Variants in PDCD6IP observed in about 807,000 individuals in gnomAD.
PDCD6IP encodes the protein programmed cell death 6-interacting protein.
PDCD6IP carries 43 observed loss-of-function variants against 103.7 expected under a neutral mutation model. The observed-to-expected ratio is 0.41, with a 90% CI of 0.32 to 0.53. The LOEUF (loss-of-function observed/expected upper bound fraction) is 0.53. Among genes scored for constraint, PDCD6IP ranks in the 20% least tolerant of loss-of-function variants. The pLI is 0.16. For missense variants in PDCD6IP, 871 were observed against 1,036.7 expected (o/e 0.84, Z 2.20); for synonymous variants, 354 against 378.7 (o/e 0.93, Z 0.76).
chr3:33,820,317 C>A (rs1192854352), intron 3 of PDCD6IP, among the ~76,000 whole-genome samples: 1 of 151,870 alleles, frequency 6.6e-6, no homozygotes, highest in African/African-American at 2.4e-5. Context: ...CCCATTCTTC[C>A]CTCCCCCCTC....
At chr3:33,799,813 A>G (rs1281661309) in intron 1 of PDCD6IP, among the ~76,000 whole-genome samples, 1 of 152,170 alleles carries the variant, frequency 6.6e-6, no homozygotes, top group Non-Finnish European at 1.5e-5. Flanking sequence ...AGGCTAAACT[A>G]GCTTGAGCTA....
intron 12 of PDCD6IP, among the ~76,000 whole-genome samples, chr3:33,848,635 C>T (rs1219761153): frequency 6.6e-6 from 1 of 152,140 alleles, no homozygotes; most frequent in Non-Finnish European, 1.5e-5. Flanking sequence ...GATCGCTTGA[C>T]CTTGTGATCC....
intron 14 of PDCD6IP, 23 bp downstream of exon 14, chr3:33,854,036 A>T (rs1697777056): frequency 6.4e-7 from 1 of 1,555,238 alleles, no homozygotes; most frequent in African/African-American, 1.4e-5. Context: ...TGCAAAAGGA[A>T]CCATAGCTAG....
chr3:33,834,403 G>T (rs576455730), intron 7 of PDCD6IP, among the ~76,000 whole-genome samples: 1 of 152,214 alleles, frequency 6.6e-6, no homozygotes, highest in East Asian at 1.9e-4. Flanking sequence ...TTGGGGGAGG[G>T]TTCAACCACA....
Position 33,845,546 on chromosome 3 carries a change from C to T in PDCD6IP, c.1599C>T (p.Ala533=). Residue 533 remains alanine, a synonymous_variant, in exon 12 of 18, where the codon GCC becomes GCT. Coordinates refer to ENST00000307296, the MANE Select transcript of PDCD6IP (RefSeq NM_013374.6). ...LCKPEPELNA[A]IPSANPAKTM... is the part of the protein sequence containing the mutation. ...AGCCAGAGCCTGAGCTGAATGCTGC[C>T]ATCCCTTCTGCTAATCCAGCAAAGA... 1 of 1,612,562 alleles carries T rather than the reference C, an allele frequency of 6.2e-7. No individual in the cohort carries two copies. Among genetic ancestry groups the T allele is most frequent in the Non-Finnish European group, 8.5e-7 (1 of 1,179,020 alleles).
chr3:33,798,880 G>T lies in PDCD6IP; in HGVS notation c.152G>T (p.Arg51Leu), dbSNP rs1696396410. ...GCGGAGGAGCTCAGCAAGCTGCGCC[G>T]CGCCGCAGTCGGTCGTCCGCTGGAC... Reference protein sequence around the residue: ...RAAEELSKLRRAAVGRPLDKH... With the variant: ...RAAEELSKLRLAAVGRPLDKH... Residue 51 changes from arginine to leucine, a missense_variant, in exon 1 of 18, where the codon CGC becomes CTC. Arg to Leu is a moderately radical substitution (Grantham distance 102, BLOSUM62 -2). Around this residue, in one of 5 missense-constraint regions of PDCD6IP, gnomAD observed 114 missense variants for 106.7 expected, o/e 1.07. Transcript: ENST00000307296. The T allele has an allele frequency of 1.3e-6, 2 of 1,548,762 alleles. No homozygotes were observed. Among genetic ancestry groups the T allele is most frequent in the African/African-American group, 1.4e-5 (1 of 72,964 alleles).
At chr3:33,838,446 G>A in intron 9 of PDCD6IP, 119 bp downstream of exon 9, 4 of 893,946 alleles carry the variant, frequency 4.5e-6, no homozygotes, top group Non-Finnish European at 5.1e-6. Context: ...AGAAAATGTA[G>A]ACACACACTT....
intron 17 of PDCD6IP, among the ~76,000 whole-genome samples, chr3:33,866,051 G>T (rs1224762471): frequency 2.6e-5 from 4 of 152,018 alleles, no homozygotes; most frequent in Non-Finnish European, 5.9e-5. Context: ...GTTTTGCCAC[G>T]TTAAAATGAA....
intron 3 of PDCD6IP, among the ~76,000 whole-genome samples, chr3:33,814,883 T>C (rs1012938634): frequency 6.9e-6 from 1 of 145,946 alleles, no homozygotes; most frequent in African/African-American, 2.5e-5. Context: ...TATATACATA[T>C]ATATTCATGT....
At chr3:33,809,795 A>G (rs1696677045) in intron 1 of PDCD6IP, among the ~76,000 whole-genome samples, 1 of 152,154 alleles carries the variant, frequency 6.6e-6, no homozygotes, top group South Asian at 2.1e-4. Flanking sequence ...CTCGTCTTTC[A>G]TGACCTTGAC....
At position 33,826,878 on chromosome 3, in the gene PDCD6IP, G is replaced by A. The variant is rs1697138710; in HGVS notation, c.717+298G>A. On this transcript the variant is annotated intron_variant, in intron 6 of 17. Coordinates refer to ENST00000307296, the MANE Select transcript of PDCD6IP (RefSeq NM_013374.6). Reference sequence around the variant, plus strand: ...TACTTTTATCAAATCAAGGCATTGTGTAGTTCTGAATCATTGGTGATTTGG... The same window carrying A: ...TACTTTTATCAAATCAAGGCATTGTATAGTTCTGAATCATTGGTGATTTGG... The A allele has an allele frequency of 2.6e-6, 3 of 1,151,660 alleles. No individual in the cohort carries two copies. In the South Asian group the frequency reaches 6.6e-5, roughly 25 times the overall value. 71.3% of individuals were successfully genotyped at this position (1,151,660 alleles called of 1,614,324 possible).
At position 33,869,499 on chromosome 3, in the gene PDCD6IP, A is replaced by T. The variant is rs1698140621; in HGVS notation, c.*2974A>T. 1 of 152,210 alleles carries T rather than the reference A, an allele frequency of 6.6e-6. No individual in the cohort carries two copies. 9.4% of individuals were successfully genotyped at this position (152,210 alleles called of 1,614,324 possible). A position where few individuals can be genotyped will look rare whatever the true frequency, so the allele number is the denominator to read the frequency against. ...ATATTTTTAAAGAAAGAGAATATTC[A>T]GGCTTTATTTCTGGTATGAAGTTTA... On this transcript the variant is annotated 3_prime_UTR_variant, in exon 18 of 18. Transcript: ENST00000307296.
At chr3:33,803,357 G>C (rs1259438609) in intron 1 of PDCD6IP, among the ~76,000 whole-genome samples, 1 of 152,186 alleles carries the variant, frequency 6.6e-6, no homozygotes, top group South Asian at 2.1e-4. Context: ...ATGGGTGAGA[G>C]ATAGTACCTT....
In PDCD6IP at chr3:33,866,568, GA is replaced by G; in HGVS notation, c.*46del. 6.8e-7 allele frequency: 1 copy of G among 1,480,856 alleles called. No homozygotes were observed. Among genetic ancestry groups the G allele is most frequent in the Non-Finnish European group, 9.1e-7 (1 of 1,094,594 alleles). 91.7% of individuals were successfully genotyped at this position (1,480,856 alleles called of 1,614,324 possible). ...TCAGCTGATTCAGATCAGAGGGAAA[GA>G]AATACCAACCCTGCAATAAGTGTAC... is the stretch of plus-strand genomic sequence containing the variant. On this transcript the variant is annotated 3_prime_UTR_variant, in exon 18 of 18. Coordinates refer to ENST00000307296, the MANE Select transcript of PDCD6IP (RefSeq NM_013374.6).
At position 33,808,682 on chromosome 3, in the gene PDCD6IP, A is replaced by T. The variant is rs767050965; in HGVS notation, c.210-3390A>T. On this transcript the variant is annotated intron_variant, in intron 1 of 17. Transcript: ENST00000307296. Reference sequence around the variant, plus strand: ...CGGTAGCTTCCTAACTGATCTCTCTACTTCTGCTCGTGCACACCTGCAGTC... The same window carrying T: ...CGGTAGCTTCCTAACTGATCTCTCTTCTTCTGCTCGTGCACACCTGCAGTC... Among the ~76,000 whole-genome samples, 10 of 152,224 alleles carry T rather than the reference A, an allele frequency of 6.6e-5. No homozygotes were observed. In the South Asian group the frequency reaches 2.1e-3, roughly 32 times the overall value.
Position 33,858,115 on chromosome 3 carries a change from A to T in PDCD6IP, c.2120+2855A>T, listed in dbSNP as rs183372720. Among the ~76,000 whole-genome samples, 9 of 152,340 alleles carry T rather than the reference A, an allele frequency of 5.9e-5. No homozygotes were observed. The East Asian group carries it at 1.2e-3, about 20-fold the overall frequency. On this transcript the variant is annotated intron_variant, in intron 15 of 17. Transcript: ENST00000307296. The stretch of plus-strand genomic sequence containing the variant: ...GTTGATCATAAAAATAATTTGTAGA[A>T]ATCAGTGGCTTTCATGTAAATAAAC...
Position 33,865,354 on chromosome 3 carries a change from C to T in PDCD6IP, c.2356C>T (p.Pro786Ser). The T allele has an allele frequency of 3.1e-6, 5 of 1,601,606 alleles. No individual in the cohort carries two copies. The highest frequency in any genetic ancestry group is 4.3e-6 in the Non-Finnish European group (5 of 1,174,570). ...GGGGGCTGGGACTGCTGCGCCAGCT[C>T]CATCACAAACGCCTGGCTCAGCTCC... ...PVGAGTAAPA[P>S]SQTPGSAPPP... Residue 786 changes from proline to serine, a missense_variant, in exon 17 of 18, where the codon CCA becomes TCA. Pro to Ser is a moderately conservative substitution (Grantham distance 74). Coordinates refer to ENST00000307296, the MANE Select transcript of PDCD6IP (RefSeq NM_013374.6).
At chr3:33,846,644 A>C (rs1697598594) in intron 12 of PDCD6IP, among the ~76,000 whole-genome samples, 1 of 152,214 alleles carries the variant, frequency 6.6e-6, no homozygotes, top group Admixed American at 6.5e-5. Context: ...CAGAAAAAGT[A>C]AACGTGTAGG....
chr3:33,836,629 G>A (rs915533050), intron 8 of PDCD6IP, among the ~76,000 whole-genome samples: 4 of 151,640 alleles, frequency 2.6e-5, no homozygotes, highest in South Asian at 4.2e-4. Flanking sequence ...GCTGAGATGG[G>A]TAGATTGCTT....
Sources: gnomAD v4.1 joint callset for allele counts (sites outside exome capture counted in the v4.1 genomes callset) on GRCh38, gnomAD v4.1.1 for gene constraint, gnomAD v4.1.1 regional missense constraint, MANE v1.5 for transcripts, NCBI Gene and HGNC (gene_info 2026-07-23, HGNC 2026-07-21) for gene names.